Variants in DPP10 observed in about 807,000 individuals in gnomAD.
The protein encoded by DPP10 is dipeptidyl peptidase like 10, also known as inactive dipeptidyl peptidase 10.
A neutral mutation model predicts 120.9 loss-of-function variants in DPP10; 33 were observed. That is an observed-to-expected ratio of 0.27 (90% confidence interval 0.21 to 0.37). DPP10 has a LOEUF of 0.37. DPP10 is among the 10% of genes least tolerant of loss of function. DPP10 has a pLI of 1.00. For missense variants in DPP10, 816 were observed against 942.8 expected, an observed-to-expected ratio of 0.87 and a Z score of 1.76; for synonymous variants, 337 against 326.1, an observed-to-expected ratio of 1.03 and a Z score of -0.36.
chr2:114,558,425 A>C (rs1451857046), intron 1 of DPP10, among the ~76,000 whole-genome samples: 1 of 152,216 alleles, frequency 6.6e-6, no homozygotes, highest in East Asian at 1.9e-4. Context: ...CCAGGGCCCT[A>C]CACATAGTTG....
intron 1 of DPP10, among the ~76,000 whole-genome samples, chr2:115,228,951 C>T (rs1318670413): frequency 6.6e-6 from 1 of 152,046 alleles, no homozygotes; most frequent in African/African-American, 2.4e-5. Flanking sequence ...AAGGAACCTC[C>T]AACTGTTTGC....
At chr2:114,549,869 C>G (rs1219329209) in intron 1 of DPP10, among the ~76,000 whole-genome samples, 1 of 151,926 alleles carries the variant, frequency 6.6e-6, no homozygotes, top group Non-Finnish European at 1.5e-5. Flanking sequence ...TGGAAAGCTC[C>G]CATTTCATAC....
At chr2:114,740,910 A>G (rs1413112639) in intron 1 of DPP10, among the ~76,000 whole-genome samples, 1 of 152,220 alleles carries the variant, frequency 6.6e-6, no homozygotes, top group Non-Finnish European at 1.5e-5. Flanking sequence ...CATAGTTTAG[A>G]GTAATTTTGA....
At chr2:114,447,185 C>T (rs139767566) in intron 1 of DPP10, among the ~76,000 whole-genome samples, 1,882 of 151,908 alleles carry the variant, frequency 0.012, 22 homozygotes, top group South Asian at 0.058. Context: ...TTAGTAGAGA[C>T]GGGGTTTCAC....
chr2:115,584,905 G>A (rs17044751), intron 5 of DPP10, among the ~76,000 whole-genome samples: 31,833 of 152,138 alleles, frequency 0.21, 3,941 homozygotes, highest in East Asian at 0.39. Flanking sequence ...TCTGCCAGTT[G>A]AAAGATGCTT....
intron 12 of DPP10, among the ~76,000 whole-genome samples, chr2:115,766,637 C>T (rs1575720517): frequency 1.3e-5 from 2 of 151,664 alleles, no homozygotes; most frequent in South Asian, 4.2e-4. Flanking sequence ...TATAAGAGAC[C>T]AGGTAATGTA....
At chr2:114,515,146 T>G (rs945496904) in intron 1 of DPP10, among the ~76,000 whole-genome samples, 1 of 152,192 alleles carries the variant, frequency 6.6e-6, no homozygotes, top group Non-Finnish European at 1.5e-5. Context: ...CAAGACAATT[T>G]CCAATTTCAT....
At chr2:115,444,247 A>T (rs1033201597) in intron 3 of DPP10, among the ~76,000 whole-genome samples, 1 of 152,168 alleles carries the variant, frequency 6.6e-6, no homozygotes, top group African/African-American at 2.4e-5. Flanking sequence ...TTCTCACTTC[A>T]ATAAATACTC....
At chr2:115,440,880 T>G (rs964175506) in intron 3 of DPP10, 2 of 152,166 alleles carry the variant, frequency 1.3e-5, no homozygotes, top group Non-Finnish European at 2.9e-5. Flanking sequence ...ACATTGTTGG[T>G]GCTAGTACCT....
intron 1 of DPP10, among the ~76,000 whole-genome samples, chr2:115,080,740 T>G (rs956603991): frequency 6.6e-6 from 1 of 152,198 alleles, no homozygotes; most frequent in Non-Finnish European, 1.5e-5. Flanking sequence ...TTGCTCTTTA[T>G]TGTTTCTTAC....
chr2:115,335,471 A>T (rs2063068548), intron 2 of DPP10, among the ~76,000 whole-genome samples: 1 of 152,034 alleles, frequency 6.6e-6, no homozygotes, highest in South Asian at 2.1e-4. Flanking sequence ...AAATGACATA[A>T]ATTTAGACCA....
At chr2:115,006,646 T>G (rs1043583567) in intron 1 of DPP10, among the ~76,000 whole-genome samples, 1 of 148,858 alleles carries the variant, frequency 6.7e-6, no homozygotes, top group African/African-American at 2.5e-5. Flanking sequence ...GGTAAAGGGA[T>G]CAATTCAACA....
At chr2:115,254,515 C>T (rs1374237354) in intron 1 of DPP10, among the ~76,000 whole-genome samples, 1 of 152,202 alleles carries the variant, frequency 6.6e-6, no homozygotes, top group African/African-American at 2.4e-5. Context: ...GCAGTAACGC[C>T]CTTCCAACAG....
chr2:115,304,625 A>G (rs2061285398), intron 1 of DPP10, among the ~76,000 whole-genome samples: 1 of 152,200 alleles, frequency 6.6e-6, no homozygotes, highest in African/African-American at 2.4e-5. Context: ...TTCTTTTCAG[A>G]ATACATATGG....
At chr2:114,530,297 T>G (rs564960480) in intron 1 of DPP10, among the ~76,000 whole-genome samples, 8 of 152,286 alleles carry the variant, frequency 5.3e-5, no homozygotes, top group African/African-American at 1.9e-4. Context: ...TGGCAAATGA[T>G]TATCATTTTA....
intron 1 of DPP10, among the ~76,000 whole-genome samples, chr2:115,133,218 A>T (rs2050474169): frequency 7.5e-6 from 1 of 133,426 alleles, no homozygotes; most frequent in Non-Finnish European, 1.5e-5. Context: ...CCATTCTGTC[A>T]CCCAGGCTGG....
intron 1 of DPP10, among the ~76,000 whole-genome samples, chr2:115,264,739 G>T (rs1257490955): frequency 6.6e-6 from 1 of 152,180 alleles, no homozygotes; most frequent in Admixed American, 6.5e-5. Context: ...ATTTTGGAAT[G>T]ATGTTTAAGA....
chr2:115,258,651 G>A (rs1279827171), intron 1 of DPP10, among the ~76,000 whole-genome samples: 2 of 152,118 alleles, frequency 1.3e-5, no homozygotes, highest in South Asian at 2.1e-4. Context: ...TTTATTTCAT[G>A]TGCTTACACA....
At chr2:114,974,729 T>G (rs1332509528) in intron 1 of DPP10, among the ~76,000 whole-genome samples, 1 of 152,054 alleles carries the variant, frequency 6.6e-6, no homozygotes, top group Non-Finnish European at 1.5e-5. Flanking sequence ...AGATCCTATA[T>G]AGAAGGTAGT....
Sources: gnomAD v4.1 joint callset for allele counts (sites outside exome capture counted in the v4.1 genomes callset) on GRCh38, gnomAD v4.1.1 for gene constraint, MANE v1.5 for transcripts, NCBI Gene and HGNC (gene_info 2026-07-23, HGNC 2026-07-21) for gene names.